The following GRM1 variants were observed in gnomAD, a reference collection of about 807,000 sequenced individuals.
The protein encoded by GRM1 is metabotropic glutamate receptor 1.
Under a neutral mutation model 90.9 loss-of-function variants are expected in GRM1, and 33 were observed. That is an observed-to-expected ratio of 0.36 (90% CI 0.28 to 0.49). GRM1 has a LOEUF of 0.49. GRM1 is among the 20% of genes least tolerant of loss of function. GRM1 has a pLI of 0.99. For missense variants in GRM1, 1,190 were observed against 1,534.3 expected (o/e 0.78, Z 3.75); for synonymous variants, 700 against 613.2 (o/e 1.14, Z -2.09).
Position 146,159,633 on chromosome 6 carries a change from T to A in GRM1, c.950+36T>A, listed in dbSNP as rs929098066. The stretch of plus-strand genomic sequence containing the variant: ...CTCTCTCTCTCTCTCTCTCTCTCTC[T>A]CTCTCTCTCACACACACACATGCAC... On this transcript the variant is annotated intron_variant, in intron 2 of 7. Coordinates refer to ENST00000282753, the MANE Select transcript of GRM1 (RefSeq NM_001278064.2). The A allele has an allele frequency of 8.6e-3, 11,674 of 1,350,724 alleles. 446 individuals are homozygous for A. The Admixed American group carries it at 0.1, about 12-fold the overall frequency. 83.7% of individuals were successfully genotyped at this position (1,350,724 alleles called of 1,614,324 possible). A position where few individuals can be genotyped will look rare whatever the true frequency, so the allele number is the denominator to read the frequency against.
Position 146,435,832 on chromosome 6 carries a change from C to T in GRM1, c.*1036C>T, listed in dbSNP as rs75168038. ...CTTCCACTTACTGTAGCAAATAATA[C>T]CTACAAGTTGAACTTCTAAGATGCG... On this transcript the variant is annotated 3_prime_UTR_variant, in exon 8 of 8. Transcript: ENST00000282753. The T allele has an allele frequency of 2.6e-5, 4 of 152,714 alleles. No homozygotes were observed. In the East Asian group the frequency reaches 7.7e-4, roughly 29 times the overall value. 9.5% of individuals were successfully genotyped at this position (152,714 alleles called of 1,614,324 possible). A position where few individuals can be genotyped will look rare whatever the true frequency, so the allele number is the denominator to read the frequency against.
intron 1 of GRM1, among the ~76,000 whole-genome samples, chr6:146,140,142 C>CTTTCT (rs1562488256): frequency 3.5e-3 from 101 of 29,064 alleles, no homozygotes; most frequent in African/African-American, 9.1e-3. Flanking sequence ...TCTTTCTTTC[C>CTTTCT]TTCCTTCCTT....
intron 2 of GRM1, among the ~76,000 whole-genome samples, chr6:146,178,957 G>A (rs1778439199): frequency 6.6e-6 from 1 of 152,108 alleles, no homozygotes; most frequent in Non-Finnish European, 1.5e-5. Context: ...AATCTGGGCT[G>A]GTGGTATAAG....
intron 1 of GRM1, among the ~76,000 whole-genome samples, chr6:146,087,530 A>G (rs993614032): frequency 2.6e-5 from 4 of 152,136 alleles, no homozygotes; most frequent in African/African-American, 4.8e-5. Context: ...ACCACAATCA[A>G]TGCAGACTGC....
chr6:146,187,573 A>G (rs1168812255), intron 2 of GRM1, among the ~76,000 whole-genome samples: 1 of 152,054 alleles, frequency 6.6e-6, no homozygotes, highest in Non-Finnish European at 1.5e-5. Context: ...CTTTTGAATG[A>G]TCTATGGTAC....
chr6:146,369,609 C>G (rs893733267), intron 5 of GRM1, among the ~76,000 whole-genome samples: 2 of 151,634 alleles, frequency 1.3e-5, no homozygotes, highest in Non-Finnish European at 2.9e-5. Flanking sequence ...ATTTATTTTC[C>G]CTGTAGTTTT....
intron 2 of GRM1, among the ~76,000 whole-genome samples, chr6:146,165,357 T>A (rs1319820520): frequency 1.3e-5 from 2 of 152,138 alleles, no homozygotes; most frequent in Non-Finnish European, 2.9e-5. Flanking sequence ...ATATACTTTT[T>A]AAAAATAAAA....
chr6:146,181,061 G>A (rs1331419266), intron 2 of GRM1, among the ~76,000 whole-genome samples: 1 of 152,056 alleles, frequency 6.6e-6, no homozygotes, highest in Non-Finnish European at 1.5e-5. Flanking sequence ...AAGAAGAGAT[G>A]ACACTATTTT....
At chr6:146,230,898 G>A (rs1258434725) in intron 2 of GRM1, among the ~76,000 whole-genome samples, 1 of 152,090 alleles carries the variant, frequency 6.6e-6, no homozygotes, top group South Asian at 2.1e-4. Flanking sequence ...AGTGAGAGAT[G>A]TCAATCTGAA....
chr6:146,277,812 C>T (rs988273478), intron 2 of GRM1, among the ~76,000 whole-genome samples: 4 of 152,104 alleles, frequency 2.6e-5, no homozygotes, highest in African/African-American at 9.7e-5. Context: ...AAGTATGGTT[C>T]AAGACAGTCT....
chr6:146,128,945 A>G (rs888230517), intron 1 of GRM1, among the ~76,000 whole-genome samples: 3 of 152,144 alleles, frequency 2.0e-5, no homozygotes, highest in Non-Finnish European at 4.4e-5. Context: ...TACATGACCC[A>G]ACTCGCTTTT....
At position 146,030,039 on chromosome 6, in the gene GRM1, G is replaced by A. The variant is rs1790652336; in HGVS notation, c.522G>A (p.Leu174=). Residue 174 remains leucine, a synonymous_variant, in exon 1 of 8, where the codon CTG becomes CTA. Transcript: ENST00000282753. ...SSSVAIQVQN[L]LQLFDIPQIA... ...CTGTAGCCATTCAAGTGCAGAACCT[G>A]CTCCAGCTCTTCGACATCCCCCAGA... is the stretch of plus-strand genomic sequence containing the variant. 6.2e-7 allele frequency: 1 copy of A among 1,614,202 alleles called. No homozygotes were observed. Among genetic ancestry groups the A allele is most frequent in the Non-Finnish European group, 8.5e-7 (1 of 1,180,030 alleles).
intron 1 of GRM1, among the ~76,000 whole-genome samples, chr6:146,069,901 A>T (rs1165152892): frequency 6.6e-6 from 1 of 152,084 alleles, no homozygotes; most frequent in Non-Finnish European, 1.5e-5. Context: ...GGAGGAAGAA[A>T]TTGAGCATTA....
intron 1 of GRM1, among the ~76,000 whole-genome samples, chr6:146,070,408 A>T (rs1775985018): frequency 6.6e-6 from 1 of 152,116 alleles, no homozygotes; most frequent in Non-Finnish European, 1.5e-5. Context: ...GAAGGGGAAA[A>T]ATGAGACTCC....
At chr6:146,118,790 A>G (rs1775863445) in intron 1 of GRM1, among the ~76,000 whole-genome samples, 3 of 152,196 alleles carry the variant, frequency 2.0e-5, no homozygotes, top group Non-Finnish European at 2.9e-5. Flanking sequence ...TTATGGCTGC[A>G]TAGTATTCCA....
chr6:146,304,123 G>A (rs1424194347), intron 2 of GRM1, among the ~76,000 whole-genome samples: 1 of 152,192 alleles, frequency 6.6e-6, no homozygotes, highest in Non-Finnish European at 1.5e-5. Flanking sequence ...AGGAAAAACT[G>A]TGGTTGGCAT....
intron 3 of GRM1, among the ~76,000 whole-genome samples, chr6:146,316,552 G>T (rs1471554649): frequency 6.6e-6 from 1 of 152,180 alleles, no homozygotes; most frequent in African/African-American, 2.4e-5. Context: ...TTCTACTGCT[G>T]CAGGCTGATT....
At chr6:146,325,005 A>G (rs1784354111) in intron 3 of GRM1, among the ~76,000 whole-genome samples, 1 of 152,238 alleles carries the variant, frequency 6.6e-6, no homozygotes, top group South Asian at 2.1e-4. Flanking sequence ...ACTCCAGTAA[A>G]TTAATTATAG....
At chr6:146,071,610 A>G (rs1435457641) in intron 1 of GRM1, among the ~76,000 whole-genome samples, 1 of 152,132 alleles carries the variant, frequency 6.6e-6, no homozygotes, top group Non-Finnish European at 1.5e-5. Context: ...TAGTTGTCTC[A>G]TCCTGGGTCT....
Sources: gnomAD v4.1 joint callset for allele counts (sites outside exome capture counted in the v4.1 genomes callset) on GRCh38, gnomAD v4.1.1 for gene constraint, MANE v1.5 for transcripts, NCBI Gene and HGNC (gene_info 2026-07-23, HGNC 2026-07-21) for gene names.